The following TYR variants were observed in gnomAD, a reference collection of about 807,000 sequenced individuals.
TYR encodes LB24-AB.
In TYR, 58 loss-of-function variants were observed where a neutral mutation model predicts 51.5. The observed-to-expected ratio is 1.13, with a 90% CI of 0.91 to 1.40. The LOEUF is 1.40. TYR is among the 40% of genes most tolerant of loss of function. The pLI, the probability that TYR is intolerant of heterozygous loss-of-function variation, is 0.00. For missense variants in TYR, 732 were observed against 647.4 expected (o/e 1.13, Z -1.42); for synonymous variants, 263 against 235.2 (o/e 1.12, Z -1.08).
At chr11:89,241,081 TG>T (rs1944187316) in intron 3 of TYR, among the ~76,000 whole-genome samples, 1 of 152,180 alleles carries the variant, frequency 6.6e-6, no homozygotes. Context: ...CAAGGGTATC[TG>T]GGTCATTAAA....
chr11:89,270,022 C>G (rs182711777), intron 3 of TYR, among the ~76,000 whole-genome samples: 1 of 151,910 alleles, frequency 6.6e-6, no homozygotes, highest in Non-Finnish European at 1.5e-5. Context: ...TAACTAGGCA[C>G]GATTATGTCA....
chr11:89,208,715 C>G (rs957026081), intron 2 of TYR, among the ~76,000 whole-genome samples: 6 of 152,146 alleles, frequency 3.9e-5, no homozygotes, highest in Non-Finnish European at 8.8e-5. Context: ...AACATATACC[C>G]AAATCCCTAA....
intron 3 of TYR, among the ~76,000 whole-genome samples, chr11:89,257,651 AC>A (rs755981628): frequency 6.6e-6 from 1 of 152,234 alleles, no homozygotes; most frequent in South Asian, 2.1e-4. Context: ...ATGTGAAAAC[AC>A]AGAAGGACCA....
intron 2 of TYR, among the ~76,000 whole-genome samples, chr11:89,206,727 T>G (rs1943677296): frequency 6.6e-6 from 1 of 152,092 alleles, no homozygotes; most frequent in Non-Finnish European, 1.5e-5. Context: ...GACTGCCCCT[T>G]GAGCCATAAA....
At chr11:89,236,595 T>A (rs1944117348) in intron 3 of TYR, among the ~76,000 whole-genome samples, 1 of 152,178 alleles carries the variant, frequency 6.6e-6, no homozygotes. Context: ...GAACTGTGGG[T>A]TACCACAGAA....
intron 4 of TYR, among the ~76,000 whole-genome samples, chr11:89,293,087 A>G (rs921389735): frequency 6.6e-5 from 10 of 152,280 alleles, no homozygotes; most frequent in African/African-American, 2.4e-4. Flanking sequence ...TTATATGACT[A>G]AAGGTGTAGA....
At chr11:89,187,079 C>G (rs1943384490) in intron 1 of TYR, among the ~76,000 whole-genome samples, 1 of 152,156 alleles carries the variant, frequency 6.6e-6, no homozygotes, top group Admixed American at 6.5e-5. Context: ...CTAATCTACC[C>G]ACCTACTCAA....
At chr11:89,265,319 G>C (rs1212728338) in intron 3 of TYR, among the ~76,000 whole-genome samples, 6 of 152,040 alleles carry the variant, frequency 3.9e-5, no homozygotes, top group Admixed American at 3.9e-4. Flanking sequence ...AGCTTTGTCA[G>C]ACGGGCCCAA....
At chr11:89,229,170 C>T (rs998593824) in intron 3 of TYR, among the ~76,000 whole-genome samples, 1 of 151,946 alleles carries the variant, frequency 6.6e-6, no homozygotes. Context: ...AGAAAGTGAC[C>T]ATTATCCAGG....
At chr11:89,293,494 G>A (rs1048627274) in intron 4 of TYR, among the ~76,000 whole-genome samples, 2 of 151,702 alleles carry the variant, frequency 1.3e-5, no homozygotes, top group Non-Finnish European at 2.9e-5. Flanking sequence ...TTATGAATAC[G>A]TTCATAGAAG....
intron 2 of TYR, among the ~76,000 whole-genome samples, chr11:89,194,355 G>A (rs1189818141): frequency 6.6e-6 from 1 of 152,150 alleles, no homozygotes; most frequent in African/African-American, 2.4e-5. Context: ...ATCTTTCTGA[G>A]ATGGTGTCAC....
At chr11:89,213,044 C>T (rs1052819150) in intron 2 of TYR, among the ~76,000 whole-genome samples, 1 of 152,148 alleles carries the variant, frequency 6.6e-6, no homozygotes, top group Admixed American at 6.5e-5. Context: ...CAAGGATGCC[C>T]TCTCTCACCA....
chr11:89,251,945 A>G (rs202075961), intron 3 of TYR, among the ~76,000 whole-genome samples: 1 of 151,810 alleles, frequency 6.6e-6, no homozygotes, highest in East Asian at 1.9e-4. Flanking sequence ...AGGCCTTGAG[A>G]AAAGCCCTTA....
chr11:89,183,075 T>C (rs1404478263), intron 1 of TYR, among the ~76,000 whole-genome samples: 1 of 152,122 alleles, frequency 6.6e-6, no homozygotes, highest in Non-Finnish European at 1.5e-5. Flanking sequence ...TTGTGGAATG[T>C]CATACGGTTT....
chr11:89,197,642 A>G (rs915412466), intron 2 of TYR, among the ~76,000 whole-genome samples: 2 of 152,056 alleles, frequency 1.3e-5, no homozygotes, highest in African/African-American at 2.4e-5. Flanking sequence ...TCAGTGAGCT[A>G]TTGGGGGGAG....
At chr11:89,202,383 A>C (rs2135262275) in intron 2 of TYR, among the ~76,000 whole-genome samples, 1 of 152,056 alleles carries the variant, frequency 6.6e-6, no homozygotes, top group East Asian at 1.9e-4. Flanking sequence ...TTGCACAGTA[A>C]AAGCACACAC....
intron 2 of TYR, among the ~76,000 whole-genome samples, chr11:89,214,682 A>G (rs984008947): frequency 1.3e-5 from 2 of 152,172 alleles, no homozygotes; most frequent in African/African-American, 4.8e-5. Context: ...CATATACACC[A>G]TGGAATACTA....
At chr11:89,249,079 T>C (rs578088028) in intron 3 of TYR, among the ~76,000 whole-genome samples, 6 of 152,182 alleles carry the variant, frequency 3.9e-5, no homozygotes, top group African/African-American at 1.4e-4. Context: ...TCTTTGAACA[T>C]CTTTGGGTCT....
intron 1 of TYR, among the ~76,000 whole-genome samples, chr11:89,190,702 C>T (rs1943430970): frequency 6.6e-6 from 1 of 151,888 alleles, no homozygotes; most frequent in African/African-American, 2.4e-5. Flanking sequence ...CCTTTATATT[C>T]ACTCCTTATT....
Sources: allele counts gnomAD v4.1 joint callset (sites outside exome capture counted in the v4.1 genomes callset), GRCh38; gene constraint gnomAD v4.1.1; transcripts MANE v1.5; gene names NCBI Gene and HGNC (gene_info 2026-07-23, HGNC 2026-07-21).